Variants in RALGAPA1 observed in about 807,000 individuals in gnomAD.
The protein encoded by RALGAPA1 is Ral GTPase activating protein catalytic subunit alpha 1, also known as ral GTPase-activating protein subunit alpha-1.
In RALGAPA1, 52 loss-of-function variants were observed where a neutral mutation model predicts 269.6. The ratio of observed to expected loss-of-function variants is 0.19; its 90% confidence interval spans 0.15 to 0.24. The LOEUF (loss-of-function observed/expected upper bound fraction) is 0.24, where lower values mean the gene tolerates loss of function less well. Ranked by LOEUF, RALGAPA1 falls within the 10% of genes least tolerant of loss-of-function variation. The pLI, the probability that RALGAPA1 is intolerant of heterozygous loss-of-function variation, is 1.00. For missense variants in RALGAPA1, 1,917 were observed against 3,013.9 expected, an observed-to-expected ratio of 0.64 and a Z score of 8.52; for synonymous variants, 817 against 1,008.3, an observed-to-expected ratio of 0.81 and a Z score of 3.60.
In RALGAPA1 at chr14:35,689,860, G is replaced by A; in HGVS notation, c.2551C>T (p.Pro851Ser). ...RSSSTSDILE[P>S]FTVERAKGAV... is the part of the protein sequence containing the mutation. ...CCTTTGGCTCGTTCAACAGTGAATG[G>A]TTCCAAGATGTCAGAAGTGCTGCTA... Residue 851 changes from proline (P) to serine (S), a missense_variant, in exon 18 of 42, where the codon CCA (proline) becomes TCA (serine). By Grantham distance (74) the Pro-to-Ser change is moderately conservative. This residue lies in a region of RALGAPA1 where 615 missense variants were observed against 790.0 expected (regional missense o/e 0.78). Coordinates refer to ENST00000680220, the MANE Select transcript of RALGAPA1 (RefSeq NM_001346249.2). The A allele has an allele frequency of 6.2e-7, 1 of 1,604,814 alleles. No homozygotes were observed. Among genetic ancestry groups the A allele is most frequent in the Non-Finnish European group, 8.5e-7 (1 of 1,176,894 alleles).
chr14:35,605,819 A>G, intron 35 of RALGAPA1, 110 bp from the exon 36 acceptor site: 8 of 1,267,450 alleles, frequency 6.3e-6, no homozygotes, highest in Non-Finnish European at 8.7e-6. Context: ...ATGAAAAAGA[A>G]TTAGATCTTA....
chr14:35,753,775 C>G (rs1305827918), intron 7 of RALGAPA1, among the ~76,000 whole-genome samples: 1 of 152,112 alleles, frequency 6.6e-6, no homozygotes, highest in Non-Finnish European at 1.5e-5. Flanking sequence ...CTGTGTAACC[C>G]TGTGAATACA....
intron 37 of RALGAPA1, among the ~76,000 whole-genome samples, chr14:35,594,123 A>T (rs181974089): frequency 1.9e-4 from 29 of 152,210 alleles, no homozygotes; most frequent in Middle Eastern, 3.4e-3. Context: ...CATACACAAA[A>T]ATCAACTTAA....
chr14:35,690,583 C>T (rs1280016212), intron 17 of RALGAPA1, among the ~76,000 whole-genome samples: 8 of 152,180 alleles, frequency 5.3e-5, no homozygotes, highest in African/African-American at 1.2e-4. Context: ...TACTTTATTA[C>T]GTATTAAAAT....
intron 37 of RALGAPA1, among the ~76,000 whole-genome samples, chr14:35,575,807 T>G (rs941488107): frequency 1.1e-4 from 17 of 152,134 alleles, no homozygotes; most frequent in Admixed American, 5.2e-4. Flanking sequence ...TTGGCCAGGC[T>G]GGTCTCGAAC....
intron 37 of RALGAPA1, among the ~76,000 whole-genome samples, chr14:35,592,332 T>G (rs1024183459): frequency 2.0e-5 from 3 of 152,186 alleles, no homozygotes; most frequent in Non-Finnish European, 2.9e-5. Flanking sequence ...ATGGAAAGTC[T>G]GAACAGACCA....
At chr14:35,771,985 C>T (rs533223899) in intron 3 of RALGAPA1, among the ~76,000 whole-genome samples, 1 of 152,288 alleles carries the variant, frequency 6.6e-6, no homozygotes, top group South Asian at 2.1e-4. Flanking sequence ...AGAACCCCAT[C>T]AAATATTTAT....
At chr14:35,742,202 G>A (rs561681289) in intron 11 of RALGAPA1, among the ~76,000 whole-genome samples, 166 bp downstream of exon 11, 7 of 152,122 alleles carry the variant, frequency 4.6e-5, no homozygotes, top group South Asian at 4.2e-4. Context: ...TTTGCTATAC[G>A]GTACTGAGAT....
chr14:35,582,510 T>A (rs1373807571), intron 37 of RALGAPA1, among the ~76,000 whole-genome samples: 1 of 152,148 alleles, frequency 6.6e-6, no homozygotes, highest in East Asian at 1.9e-4. Flanking sequence ...TAATTACAGC[T>A]GACTGATGGA....
At chr14:35,682,512 T>C (rs1448633112) in intron 21 of RALGAPA1, among the ~76,000 whole-genome samples, 6 of 152,136 alleles carry the variant, frequency 3.9e-5, no homozygotes, top group Admixed American at 3.3e-4. Context: ...TTCACCCTAT[T>C]AGCCAGGATG....
At chr14:35,588,032 G>C (rs1012281618) in intron 37 of RALGAPA1, among the ~76,000 whole-genome samples, 1 of 151,922 alleles carries the variant, frequency 6.6e-6, no homozygotes, top group African/African-American at 2.4e-5. Context: ...TCAGCCTCCC[G>C]AGTAGCTGGG....
rs566332156 is a variant in RALGAPA1, at chr14:35,762,530, A to G, written c.369+180T>C. 1.2e-4 allele frequency among the ~76,000 whole-genome samples: 18 copies of G among 152,360 alleles called. No individual in the cohort carries two copies. In the East Asian group the frequency reaches 2.9e-3, roughly 24 times the overall value. The stretch of plus-strand genomic sequence containing the variant: ...CTCAGCCTCCCAAAGTGCAGAGATT[A>G]CAGGCGTGAGCCACTGCACCCAGCC... On this transcript the variant is annotated intron_variant, in intron 5 of 41. Transcript: ENST00000680220.
chr14:35,792,757 G>A (rs1224560695), intron 1 of RALGAPA1, among the ~76,000 whole-genome samples: 2 of 136,138 alleles, frequency 1.5e-5, no homozygotes, highest in African/African-American at 2.8e-5. Context: ...CAGCCTGGGC[G>A]ACAGAGTGAG....
At chr14:35,763,090 A>G (rs568907564) in intron 4 of RALGAPA1, among the ~76,000 whole-genome samples, 85 of 152,242 alleles carry the variant, frequency 5.6e-4, no homozygotes, top group Admixed American at 1.5e-3. Flanking sequence ...TCCACTATAG[A>G]AAATTTTCAT....
chr14:35,561,759 C>A (rs2056283313), intron 39 of RALGAPA1, among the ~76,000 whole-genome samples: 1 of 152,060 alleles, frequency 6.6e-6, no homozygotes, highest in South Asian at 2.1e-4. Flanking sequence ...ATCTGCCCAC[C>A]TTGACCTCCC....
intron 1 of RALGAPA1, among the ~76,000 whole-genome samples, chr14:35,780,815 G>A (rs2075373197): frequency 6.6e-6 from 1 of 152,082 alleles, no homozygotes; most frequent in Non-Finnish European, 1.5e-5. Flanking sequence ...CCATTGGCTG[G>A]GTGCGTTGGT....
intron 31 of RALGAPA1, among the ~76,000 whole-genome samples, chr14:35,648,624 A>G (rs1464333126): frequency 6.6e-6 from 1 of 150,748 alleles, no homozygotes; most frequent in Non-Finnish European, 1.5e-5. Flanking sequence ...CAACATAGCA[A>G]AACCCCATCT....
chr14:35,555,298 T>A (rs2055493110), intron 39 of RALGAPA1, among the ~76,000 whole-genome samples: 1 of 152,198 alleles, frequency 6.6e-6, no homozygotes, highest in Non-Finnish European at 1.5e-5. Context: ...CCATTGGTTG[T>A]GATAATTGTT....
intron 41 of RALGAPA1, chr14:35,541,965 G>A: frequency 2.8e-6 from 3 of 1,086,376 alleles, no homozygotes; most frequent in Non-Finnish European, 3.7e-6. Flanking sequence ...AATTGGGCAT[G>A]CAATGCATTA....
Sources: allele counts gnomAD v4.1 joint callset (sites outside exome capture counted in the v4.1 genomes callset), GRCh38; gene constraint gnomAD v4.1.1; regional missense constraint gnomAD v4.1.1; transcripts MANE v1.5; gene names NCBI Gene and HGNC (gene_info 2026-07-23, HGNC 2026-07-21).